Variants in MAGI2 observed in about 807,000 individuals in gnomAD.
MAGI2 encodes the protein membrane-associated guanylate kinase, WW and PDZ domain-containing protein 2.
In MAGI2, 35 loss-of-function variants were observed where a neutral mutation model predicts 133.3. That is an observed-to-expected ratio of 0.26 (90% CI 0.20 to 0.35). The LOEUF (loss-of-function observed/expected upper bound fraction) is 0.35, where lower values mean the gene tolerates loss of function less well. MAGI2 is among the 10% of genes least tolerant of loss of function. The pLI is 1.00. For synonymous variants in MAGI2, 729 were observed against 710.6 expected (o/e 1.03, Z -0.41); for missense variants, 1,636 against 1,863.4 (o/e 0.88, Z 2.25).
At chr7:78,220,391 C>T (rs755898023) in intron 10 of MAGI2, among the ~76,000 whole-genome samples, 2 of 152,166 alleles carry the variant, frequency 1.3e-5, no homozygotes, top group Non-Finnish European at 2.9e-5. Flanking sequence ...TGGAACACAC[C>T]AGGACACTTC....
In MAGI2 at chr7:78,720,726, G is replaced by A. The variant is rs7341489; in HGVS notation, c.419-93487C>T. Among the ~76,000 whole-genome samples the A allele has an allele frequency of 9.9e-3, 1,498 of 152,062 alleles. 29 individuals are homozygous for A. Among genetic ancestry groups the A allele is most frequent in the African/African-American group, 0.034 (1,429 of 41,520 alleles). On this transcript the variant is annotated intron_variant, in intron 2 of 21. Transcript: ENST00000354212. ...ACATGCCATTTTATTCAAAGTCCAT[G>A]GAGATTAATTTCTCAAAGGATAAGT... is the stretch of plus-strand genomic sequence containing the variant.
intron 2 of MAGI2, among the ~76,000 whole-genome samples, chr7:78,852,760 G>A (rs930359027): frequency 1.3e-5 from 2 of 152,100 alleles, no homozygotes; most frequent in African/African-American, 4.8e-5. Flanking sequence ...TTTGGGGAAC[G>A]AAAAGAGTAG....
chr7:78,701,781 A>G (rs75485382), intron 2 of MAGI2, among the ~76,000 whole-genome samples: 5,095 of 152,064 alleles, frequency 0.034, 157 homozygotes, highest in East Asian at 0.16. Flanking sequence ...TCTCCCAAAC[A>G]CTTCCAGTTA....
chr7:79,323,183 T>C (rs1839330232), intron 1 of MAGI2, among the ~76,000 whole-genome samples: 1 of 152,112 alleles, frequency 6.6e-6, no homozygotes, highest in Non-Finnish European at 1.5e-5. Flanking sequence ...ACAACAATTT[T>C]GAGCTCCTAC....
chr7:79,383,222 G>A (rs897132728), intron 1 of MAGI2, among the ~76,000 whole-genome samples: 1 of 151,532 alleles, frequency 6.6e-6, no homozygotes, highest in Non-Finnish European at 1.5e-5. Flanking sequence ...TTGGGAAGTT[G>A]TTTGGCCTAG....
intron 5 of MAGI2, among the ~76,000 whole-genome samples, chr7:78,491,007 A>G (rs1793555860): frequency 6.6e-6 from 1 of 152,122 alleles, no homozygotes. Flanking sequence ...ATACTTTACT[A>G]CAGTTGTAAG....
intron 6 of MAGI2, among the ~76,000 whole-genome samples, chr7:78,417,698 C>T (rs1798426236): frequency 6.6e-6 from 1 of 151,968 alleles, no homozygotes; most frequent in African/African-American, 2.4e-5. Context: ...AACAATTATC[C>T]TGGGGGACAG....
intron 1 of MAGI2, among the ~76,000 whole-genome samples, chr7:79,351,101 TA>T (rs1266911629): frequency 6.6e-6 from 1 of 152,156 alleles, no homozygotes; most frequent in Non-Finnish European, 1.5e-5. Flanking sequence ...AAAAGTTGTA[TA>T]AAGCAAAGAA....
intron 15 of MAGI2, among the ~76,000 whole-genome samples, chr7:78,162,567 G>A (rs951671345): frequency 5.9e-5 from 9 of 151,336 alleles, no homozygotes; most frequent in Non-Finnish European, 1.0e-4. Flanking sequence ...AGAATTATCT[G>A]TCTTTGCAGT....
intron 9 of MAGI2, among the ~76,000 whole-genome samples, chr7:78,293,903 G>A (rs1042597581): frequency 6.6e-6 from 1 of 152,162 alleles, no homozygotes; most frequent in African/African-American, 2.4e-5. Context: ...CTTGGACATA[G>A]GGTGAGGAAC....
chr7:78,803,246 A>T (rs937117551), intron 2 of MAGI2, among the ~76,000 whole-genome samples: 1 of 152,200 alleles, frequency 6.6e-6, no homozygotes, highest in Admixed American at 6.5e-5. Flanking sequence ...TAAAGTGTTA[A>T]CTGCTAATAA....
chr7:78,612,706 G>T (rs1206079812), intron 3 of MAGI2, among the ~76,000 whole-genome samples: 1 of 151,618 alleles, frequency 6.6e-6, no homozygotes, highest in Non-Finnish European at 1.5e-5. Flanking sequence ...GTCTCGCTCT[G>T]TCGCCCAGGC....
intron 9 of MAGI2, among the ~76,000 whole-genome samples, chr7:78,268,413 T>C (rs1794227152): frequency 6.6e-6 from 1 of 152,218 alleles, no homozygotes; most frequent in African/African-American, 2.4e-5. Flanking sequence ...TACTACTATG[T>C]GCTAAGAACA....
chr7:78,495,975 T>C (rs943974811), intron 5 of MAGI2, among the ~76,000 whole-genome samples: 1 of 152,210 alleles, frequency 6.6e-6, no homozygotes, highest in African/African-American at 2.4e-5. Context: ...TAGTACGATA[T>C]GTCAAGTATA....
At chr7:78,655,454 C>CAAAAAAAAAAAAAAAAAAAAAACAACA in intron 2 of MAGI2, among the ~76,000 whole-genome samples, 20 of 64,938 alleles carry the variant, frequency 3.1e-4, no homozygotes, top group East Asian at 5.2e-4. Flanking sequence ...AAAAAACAAC[C>CAAAAAAAAAAAAAAAAAAAAAACAACA]AAAAAAAAAA....
chr7:78,495,024 A>G (rs992457434), intron 5 of MAGI2, among the ~76,000 whole-genome samples: 4 of 152,224 alleles, frequency 2.6e-5, no homozygotes, highest in Non-Finnish European at 5.9e-5. Context: ...CAGCAACTCA[A>G]AATGTCTGTG....
At chr7:78,788,293 C>A (rs149726568) in intron 2 of MAGI2, among the ~76,000 whole-genome samples, 1 of 152,182 alleles carries the variant, frequency 6.6e-6, no homozygotes, top group Non-Finnish European at 1.5e-5. Context: ...TGTGAATTGT[C>A]TGTAACTGAT....
At chr7:78,034,641 C>T (rs972146324) in intron 21 of MAGI2, among the ~76,000 whole-genome samples, 1 of 152,154 alleles carries the variant, frequency 6.6e-6, no homozygotes, top group Non-Finnish European at 1.5e-5. Flanking sequence ...AGTTCTCCTG[C>T]CTCAGCCTCC....
intron 1 of MAGI2, among the ~76,000 whole-genome samples, chr7:79,368,193 A>C (rs1842843187): frequency 6.6e-6 from 1 of 152,094 alleles, no homozygotes; most frequent in Admixed American, 6.6e-5. Context: ...GAATGGCTAA[A>C]TTGTGCATCT....
Sources: gnomAD v4.1 joint callset for allele counts (sites outside exome capture counted in the v4.1 genomes callset) on GRCh38, gnomAD v4.1.1 for gene constraint, MANE v1.5 for transcripts, NCBI Gene and HGNC (gene_info 2026-07-23, HGNC 2026-07-21) for gene names.